Variants in MYT1L observed in about 807,000 individuals in gnomAD.
MYT1L encodes myelin transcription factor 1 like, also known as myelin transcription factor 1-like protein.
MYT1L carries 12 observed loss-of-function variants against 126.7 expected under a neutral mutation model. That is an observed-to-expected ratio of 0.09 (90% confidence interval 0.06 to 0.15). The LOEUF (loss-of-function observed/expected upper bound fraction) is 0.15, where lower values mean the gene tolerates loss of function less well. Ranked by LOEUF, MYT1L falls within the 10% of genes least tolerant of loss-of-function variation. MYT1L has a pLI of 1.00. For missense variants in MYT1L, 979 were observed against 1,585.2 expected, an observed-to-expected ratio of 0.62 and a Z score of 6.49; for synonymous variants, 541 against 604.2, an observed-to-expected ratio of 0.90 and a Z score of 1.53.
At chr2:2,020,845 TTTAA>T (rs2064955887) in intron 4 of MYT1L, among the ~76,000 whole-genome samples, 1 of 152,220 alleles carries the variant, frequency 6.6e-6, no homozygotes, top group African/African-American at 2.4e-5. Context: ...AATGTAGATC[TTTAA>T]TTAGCCAAAG....
chr2:2,058,646 T>C (rs1337728811), intron 3 of MYT1L, among the ~76,000 whole-genome samples: 1 of 152,232 alleles, frequency 6.6e-6, no homozygotes, highest in Admixed American at 6.5e-5. Flanking sequence ...TAAACACTAA[T>C]TTATTAGGTA....
At chr2:2,129,565 G>A (rs1045777350) in intron 3 of MYT1L, among the ~76,000 whole-genome samples, 4 of 152,170 alleles carry the variant, frequency 2.6e-5, no homozygotes, top group African/African-American at 9.7e-5. Context: ...ACAGCCAGCT[G>A]GACAAGTGAC....
rs1553610348 is a variant in MYT1L, at chr2:2,262,931, T to TAA, written c.-421+21471_-421+21472dup. Among the ~76,000 whole-genome samples, 9 of 43,662 alleles carry TAA rather than the reference T, an allele frequency of 2.1e-4. 2 individuals carry two copies. Among genetic ancestry groups the TAA allele is most frequent in the East Asian group, 3.4e-3 (1 of 296 alleles). The allele number at this position is 43,662 out of a possible 152,430, so 28.6% of individuals were successfully genotyped here. On this transcript the variant is annotated intron_variant, in intron 2 of 24. Transcript: ENST00000647738. Reference sequence around the variant, plus strand: ...AGAGGCACAAATATATATATATATATAACCTGTGATATATATATATATATC... The same window carrying TAA: ...AGAGGCACAAATATATATATATATATAAAACCTGTGATATATATATATATATC...
intron 18 of MYT1L, among the ~76,000 whole-genome samples, chr2:1,864,756 T>C (rs2045233124): frequency 6.6e-6 from 1 of 152,190 alleles, no homozygotes; most frequent in African/African-American, 2.4e-5. Flanking sequence ...GGGAGGTTCT[T>C]GGCCCCTGCT....
At chr2:2,087,210 G>A (rs1404512020) in intron 3 of MYT1L, among the ~76,000 whole-genome samples, 1 of 152,144 alleles carries the variant, frequency 6.6e-6, no homozygotes, top group Non-Finnish European at 1.5e-5. Flanking sequence ...CTGATTACAG[G>A]TAGAGGCCAG....
At chr2:1,992,674 G>C (rs866740993) in intron 5 of MYT1L, among the ~76,000 whole-genome samples, 1 of 152,142 alleles carries the variant, frequency 6.6e-6, no homozygotes, top group African/African-American at 2.4e-5. Flanking sequence ...ATTCATTCCT[G>C]GGCAAAGGCT....
At chr2:2,137,830 T>C (rs902648045) in intron 3 of MYT1L, among the ~76,000 whole-genome samples, 7 of 152,084 alleles carry the variant, frequency 4.6e-5, no homozygotes, top group African/African-American at 1.4e-4. Flanking sequence ...AAAGCCACAA[T>C]TGACAAATGG....
chr2:2,238,212 G>A (rs910969283), intron 2 of MYT1L, among the ~76,000 whole-genome samples: 5 of 152,136 alleles, frequency 3.3e-5, no homozygotes, highest in African/African-American at 1.2e-4. Flanking sequence ...GGTAAATCAA[G>A]GTCATTATCT....
Position 2,092,007 on chromosome 2 carries a change from A to C in MYT1L, c.-303-37884T>G, listed in dbSNP as rs192502971. 3.9e-5 allele frequency among the ~76,000 whole-genome samples: 6 copies of C among 152,316 alleles called. No homozygotes were observed. The East Asian group carries it at 1.2e-3, about 29-fold the overall frequency. On this transcript the variant is annotated intron_variant, in intron 3 of 24. Coordinates refer to ENST00000647738, the MANE Select transcript of MYT1L (RefSeq NM_001303052.2). ...TCCAGACCGCTACAACTTTCCCCAT[A>C]TCAGCAATAAGGCTGGTTCCATTTA...
At chr2:2,268,022 G>A (rs2095174912) in intron 2 of MYT1L, among the ~76,000 whole-genome samples, 1 of 152,142 alleles carries the variant, frequency 6.6e-6, no homozygotes, top group African/African-American at 2.4e-5. Flanking sequence ...AATAAAAGAT[G>A]AGATTCGGGG....
intron 3 of MYT1L, among the ~76,000 whole-genome samples, chr2:2,123,510 C>G (rs139217417): frequency 1.3e-5 from 2 of 152,236 alleles, no homozygotes; most frequent in East Asian, 1.9e-4. Flanking sequence ...GCTGTTCTCA[C>G]GACACTGAGT....
intron 13 of MYT1L, among the ~76,000 whole-genome samples, chr2:1,907,478 G>A (rs530911888): frequency 2.0e-5 from 3 of 152,292 alleles, no homozygotes; most frequent in East Asian, 3.9e-4. Context: ...TTCCCCTGGC[G>A]GGGAAGGCCA....
chr2:2,328,783 T>G (rs559533625), intron 1 of MYT1L, among the ~76,000 whole-genome samples: 18 of 152,216 alleles, frequency 1.2e-4, no homozygotes, highest in Non-Finnish European at 2.5e-4. Flanking sequence ...ACAAGTAATT[T>G]TTAACATATT....
At chr2:2,269,421 G>A (rs1049053107) in intron 2 of MYT1L, among the ~76,000 whole-genome samples, 1 of 152,148 alleles carries the variant, frequency 6.6e-6, no homozygotes, top group Non-Finnish European at 1.5e-5. Flanking sequence ...TACAAAATGG[G>A]GGCACACTTG....
At chr2:2,295,567 G>C (rs2095661541) in intron 1 of MYT1L, among the ~76,000 whole-genome samples, 3 of 16,662 alleles carry the variant, frequency 1.8e-4, no homozygotes, top group Admixed American at 3.7e-4. Context: ...CAGACAGACA[G>C]AGAGAGAGAG....
chr2:2,321,625 G>A lies in MYT1L; in HGVS notation c.-521+9342C>T, dbSNP rs114785480. 7.0e-3 allele frequency among the ~76,000 whole-genome samples: 1,065 copies of A among 152,162 alleles called. 13 individuals carry two copies. Among genetic ancestry groups the A allele is most frequent in the African/African-American group, 0.023 (957 of 41,514 alleles). On this transcript the variant is annotated intron_variant, in intron 1 of 24. Coordinates refer to ENST00000647738, the MANE Select transcript of MYT1L (RefSeq NM_001303052.2). ...CCATTAAAACACACTATGCATTTAG[G>A]TTGAGATAACGGCATGAAGGCACCA...
In MYT1L at chr2:2,080,897, C is replaced by T. The variant is rs59087356; in HGVS notation, c.-303-26774G>A. 8.6e-3 allele frequency among the ~76,000 whole-genome samples: 1,305 copies of T among 152,146 alleles called. 18 individuals are homozygous for T. Among genetic ancestry groups the T allele is most frequent in the African/African-American group, 0.026 (1,091 of 41,506 alleles). On this transcript the variant is annotated intron_variant, in intron 3 of 24. Coordinates refer to ENST00000647738, the MANE Select transcript of MYT1L (RefSeq NM_001303052.2). ...GGACATTATGCTAAATGAAAGAAGC[C>T]GGTATCAACAAAACCCCTCATATTG...
At chr2:1,867,470 A>T (rs534202661) in intron 18 of MYT1L, among the ~76,000 whole-genome samples, 1 of 152,028 alleles carries the variant, frequency 6.6e-6, no homozygotes, top group African/African-American at 2.4e-5. Flanking sequence ...CTAATCACCA[A>T]CTTGAATCCA....
At chr2:2,105,888 C>A (rs2078690343) in intron 3 of MYT1L, among the ~76,000 whole-genome samples, 1 of 152,174 alleles carries the variant, frequency 6.6e-6, no homozygotes, top group East Asian at 1.9e-4. Context: ...GGGCTCAATG[C>A]ATTTCAATAC....
Sources: allele counts gnomAD v4.1 joint callset (sites outside exome capture counted in the v4.1 genomes callset), GRCh38; gene constraint gnomAD v4.1.1; transcripts MANE v1.5; gene names NCBI Gene and HGNC (gene_info 2026-07-23, HGNC 2026-07-21).